The following PAMR1 variants were observed in gnomAD, a reference collection of about 807,000 sequenced individuals.
PAMR1 encodes inactive serine protease PAMR1.
In PAMR1, 88 loss-of-function variants were observed where a neutral mutation model predicts 81.8. That is an observed-to-expected ratio of 1.08 (90% CI 0.91 to 1.28). PAMR1 has a LOEUF of 1.28. Ranked by LOEUF, PAMR1 falls within the 50% of genes most tolerant of loss-of-function variation. PAMR1 has a pLI of 0.00. For missense variants in PAMR1, 935 were observed against 919.7 expected (o/e 1.02, Z -0.21); for synonymous variants, 336 against 345.3 (o/e 0.97, Z 0.30).
intron 1 of PAMR1, among the ~76,000 whole-genome samples, chr11:35,510,568 G>A (rs1029171941): frequency 2.0e-5 from 3 of 149,214 alleles, no homozygotes; most frequent in African/African-American, 7.4e-5. Context: ...GAAATTAAAG[G>A]TATTCAGAAA....
At chr11:35,509,476 C>T (rs1851034635) in intron 1 of PAMR1, among the ~76,000 whole-genome samples, 2 of 152,182 alleles carry the variant, frequency 1.3e-5, no homozygotes, top group South Asian at 4.1e-4. Flanking sequence ...GCAATATCAA[C>T]AGCAGTAGAA....
upstream of PAMR1, chr11:35,525,780 C>A: frequency 1.6e-6 from 1 of 606,686 alleles, no homozygotes. Context: ...CCAAACCTCT[C>A]CTCTCTGCTG....
intron 8 of PAMR1, among the ~76,000 whole-genome samples, chr11:35,437,889 G>A (rs531365969): frequency 1.4e-4 from 21 of 152,258 alleles, no homozygotes; most frequent in South Asian, 4.1e-4. Context: ...CACTGCCACC[G>A]TTTCCAAGGA....
rs573149577 is a variant in PAMR1, at chr11:35,454,512, C to T, written c.821-12819G>A. ...CCATTCTTATCTTGCTTCCCCAGCT[C>T]TGTTACTGGTTGATCCTGGGAGTGC... On this transcript the variant is annotated intron_variant, in intron 6 of 10. Coordinates refer to ENST00000619888, the MANE Select transcript of PAMR1 (RefSeq NM_001001991.3). 5.3e-5 allele frequency among the ~76,000 whole-genome samples: 8 copies of T among 152,302 alleles called. No individual in the cohort carries two copies. The South Asian group carries it at 1.7e-3, about 32-fold the overall frequency.
At chr11:35,468,412 T>C (rs1410170255) in intron 5 of PAMR1, among the ~76,000 whole-genome samples, 2 of 152,206 alleles carry the variant, frequency 1.3e-5, no homozygotes, top group Admixed American at 6.5e-5. Flanking sequence ...AGAGCCATGC[T>C]TGTATCTCTC....
At chr11:35,456,172 G>C (rs1316309784) in intron 6 of PAMR1, among the ~76,000 whole-genome samples, 1 of 152,060 alleles carries the variant, frequency 6.6e-6, no homozygotes, top group African/African-American at 2.4e-5. Context: ...TTCTTACTAA[G>C]TGGCTAGTAC....
At chr11:35,482,843 T>C (rs943632203) in intron 3 of PAMR1, among the ~76,000 whole-genome samples, 11 of 152,198 alleles carry the variant, frequency 7.2e-5, no homozygotes, top group African/African-American at 2.7e-4. Flanking sequence ...GCTTGTCTAT[T>C]GTTGATGTAT....
chr11:35,438,474 T>C (rs891759644), intron 8 of PAMR1, among the ~76,000 whole-genome samples: 1 of 152,174 alleles, frequency 6.6e-6, no homozygotes, highest in Non-Finnish European at 1.5e-5. Flanking sequence ...AAGAAAAAAC[T>C]AAGGCTCAGC....
chr11:35,461,893 C>A (rs1024635584), intron 6 of PAMR1, among the ~76,000 whole-genome samples: 1 of 152,130 alleles, frequency 6.6e-6, no homozygotes, highest in African/African-American at 2.4e-5. Flanking sequence ...CAAGTACATG[C>A]GGGTAATAGC....
chr11:35,507,368 T>G (rs550191374), intron 1 of PAMR1, among the ~76,000 whole-genome samples: 1 of 152,046 alleles, frequency 6.6e-6, no homozygotes, highest in African/African-American at 2.4e-5. Flanking sequence ...GACTTTGAAC[T>G]CACTGATTCT....
At chr11:35,513,940 C>T (rs1851118089) in intron 1 of PAMR1, among the ~76,000 whole-genome samples, 1 of 152,202 alleles carries the variant, frequency 6.6e-6, no homozygotes, top group South Asian at 2.1e-4. Context: ...ACCTTCCCTC[C>T]AGTCCATGTA....
intron 1 of PAMR1, among the ~76,000 whole-genome samples, chr11:35,514,575 C>T (rs1194451260): frequency 6.6e-6 from 1 of 152,212 alleles, no homozygotes; most frequent in Non-Finnish European, 1.5e-5. Context: ...AACTGTGGTG[C>T]TGGAAATCCT....
At chr11:35,503,481 T>C (rs1448091708) in intron 1 of PAMR1, among the ~76,000 whole-genome samples, 1 of 152,134 alleles carries the variant, frequency 6.6e-6, no homozygotes, top group Non-Finnish European at 1.5e-5. Flanking sequence ...GTCATTTTAA[T>C]GGTATTAATT....
intron 3 of PAMR1, among the ~76,000 whole-genome samples, chr11:35,477,886 C>T (rs938655): frequency 0.31 from 46,890 of 151,966 alleles, 7,634 homozygotes; most frequent in African/African-American, 0.42. Context: ...AATGCACGTT[C>T]CTTCTCTGCA....
At chr11:35,475,421 A>G (rs1458464756) in intron 3 of PAMR1, among the ~76,000 whole-genome samples, 1 of 152,236 alleles carries the variant, frequency 6.6e-6, no homozygotes, top group Admixed American at 6.5e-5. Flanking sequence ...TCCTGGTTAA[A>G]GCAGAAGTAG....
chr11:35,436,155 C>A lies in PAMR1; in HGVS notation c.1101-20G>T. ...GTCTCCCTGGGTCAGGAAACATGGG[C>A]CCAGAGAAAGAGCAGGGTGAGAGAA... On this transcript the variant is annotated intron_variant, in intron 8 of 10. Transcript: ENST00000619888. 6.5e-7 allele frequency: 1 copy of A among 1,542,180 alleles called. No individual in the cohort carries two copies. The highest frequency in any genetic ancestry group is 2.3e-5 in the East Asian group (1 of 44,316).
rs755967229 is a variant in PAMR1, at chr11:35,468,070, C to T, written c.751G>A (p.Val251Ile). The T allele has an allele frequency of 2.1e-5, 33 of 1,557,574 alleles. No individual in the cohort carries two copies. The East Asian group carries it at 2.4e-4, about 11-fold the overall frequency. ...SSPCFHDGTCVLDKAGSYKCA... is the reference protein window; with the variant it reads ...SSPCFHDGTCILDKAGSYKCA... Reference sequence around the variant, plus strand: ...TTGTAAGATCCAGCCTTGTCAAGGACGCACGTGCCGTCATGGAAACAAGGG... The same window carrying T: ...TTGTAAGATCCAGCCTTGTCAAGGATGCACGTGCCGTCATGGAAACAAGGG... Residue 251 changes from valine (V) to isoleucine (I), a missense_variant, in exon 6 of 11, where the codon GTC (valine) becomes ATC (isoleucine). Val to Ile is a conservative substitution (Grantham distance 29). Transcript: ENST00000619888.
chr11:35,433,532 A>G (rs767739384), intron 10 of PAMR1, among the ~76,000 whole-genome samples: 42 of 152,174 alleles, frequency 2.8e-4, no homozygotes, highest in Non-Finnish European at 5.3e-4. Flanking sequence ...TATTACCTCA[A>G]TCTCCTTTGA....
chr11:35,456,820 C>T (rs2135362161), intron 6 of PAMR1, among the ~76,000 whole-genome samples: 1 of 152,318 alleles, frequency 6.6e-6, no homozygotes, highest in African/African-American at 2.4e-5. Flanking sequence ...TCTCCACTCA[C>T]TCCCATGAAC....
Sources: allele counts gnomAD v4.1 joint callset (sites outside exome capture counted in the v4.1 genomes callset), GRCh38; gene constraint gnomAD v4.1.1; transcripts MANE v1.5; gene names NCBI Gene and HGNC (gene_info 2026-07-23, HGNC 2026-07-21).